P2RY8: variants seen among roughly 807,000 people sequenced by gnomAD.
The protein encoded by P2RY8 is S-geranylgeranyl-glutathione receptor P2RY8.
P2RY8 carries 6 observed loss-of-function variants against 10.0 expected under a neutral mutation model. That is an observed-to-expected ratio of 0.60 (90% confidence interval 0.33 to 1.19). The LOEUF is 1.19. Among genes scored for constraint, P2RY8 ranks in the 50% most tolerant of loss-of-function variants. The pLI is 0.04. For synonymous variants in P2RY8, 276 were observed against 252.5 expected (o/e 1.09, Z -0.88); for missense variants, 456 against 542.0 (o/e 0.84, Z 1.58).
At chrX:1,481,243 C>T (rs1483099471) in intron 1 of P2RY8, among the ~76,000 whole-genome samples, 1 of 152,070 alleles carries the variant, frequency 6.6e-6, no homozygotes, top group Non-Finnish European at 1.5e-5. Flanking sequence ...ACGTCGGCTC[C>T]CTGCAACCTC....
At chrX:1,489,038 A>T (rs1158768999) in intron 1 of P2RY8, among the ~76,000 whole-genome samples, 5 of 152,054 alleles carry the variant, frequency 3.3e-5, no homozygotes, top group Non-Finnish European at 7.4e-5. Flanking sequence ...GGAGGGAAAG[A>T]ATGAATGACA....
chrX:1,487,926 C>T (rs1212485702), intron 1 of P2RY8, among the ~76,000 whole-genome samples: 2 of 152,004 alleles, frequency 1.3e-5, no homozygotes, highest in Admixed American at 6.6e-5. Context: ...CTGGCTAACA[C>T]GGTGAAACCC....
At chrX:1,520,635 ATCTCTCTGATCCCAATAT>A (rs1483162660) in intron 1 of P2RY8, among the ~76,000 whole-genome samples, 1 of 150,088 alleles carries the variant, frequency 6.7e-6, no homozygotes, top group Non-Finnish European at 1.5e-5. Context: ...ATCCCCAATA[ATCTCTCTGATCCCAATAT>A]TCTCTCTGAT....
At chrX:1,494,494 A>T (rs2092097828) in intron 1 of P2RY8, 1 of 151,730 alleles carries the variant, frequency 6.6e-6, no homozygotes, top group South Asian at 2.1e-4. Flanking sequence ...GGGGGATTTT[A>T]TGTGTTTTTC....
At chrX:1,485,714 T>G (rs1195804991) in intron 1 of P2RY8, among the ~76,000 whole-genome samples, 1 of 148,282 alleles carries the variant, frequency 6.7e-6, no homozygotes, top group Admixed American at 6.8e-5. Context: ...CATGTTATAT[T>G]GTATGTATAT....
In P2RY8 at chrX:1,473,021, G is replaced by T. The variant is rs778099774; in HGVS notation, c.-24-6439C>A. On this transcript the variant is annotated intron_variant, in intron 1 of 1. Transcript: ENST00000381297. ...GGGTGGATGGGTGGATGAATGGTAG[G>T]TGGGTTTGTGAATGGGTGAGTGGGT... 2.9e-4 allele frequency among the ~76,000 whole-genome samples: 42 copies of T among 143,654 alleles called. 1 individual carries two copies. Among genetic ancestry groups the T allele is most frequent in the African/African-American group, 1.0e-3 (40 of 38,628 alleles). The allele number at this position is 143,654 out of a possible 152,430, so 94.2% of individuals were successfully genotyped here. A position where few individuals can be genotyped will look rare whatever the true frequency, so the allele number is the denominator to read the frequency against.
At chrX:1,531,016 C>A (rs1197116501) in intron 1 of P2RY8, among the ~76,000 whole-genome samples, 16 of 151,706 alleles carry the variant, frequency 1.1e-4, no homozygotes, top group Non-Finnish European at 2.1e-4. Context: ...ATGTATATAT[C>A]TATCTATTCT....
At chrX:1,474,331 G>A (rs1343200299) in intron 1 of P2RY8, among the ~76,000 whole-genome samples, 1 of 138,144 alleles carries the variant, frequency 7.2e-6, no homozygotes, top group Non-Finnish European at 1.6e-5. Context: ...AGATGAATAG[G>A]TGTATGGGTG....
intron 1 of P2RY8, among the ~76,000 whole-genome samples, chrX:1,504,862 G>C (rs2092215889): frequency 6.6e-6 from 1 of 152,166 alleles, no homozygotes; most frequent in Non-Finnish European, 1.5e-5. Context: ...GCCAGGCGTG[G>C]TGGCTCACGC....
At chrX:1,528,833 AGT>A (rs2092456102) in intron 1 of P2RY8, among the ~76,000 whole-genome samples, 1 of 151,794 alleles carries the variant, frequency 6.6e-6, no homozygotes, top group Non-Finnish European at 1.5e-5. Flanking sequence ...TCTTTGAATG[AGT>A]GTGGATTTGA....
chrX:1,502,295 G>A (rs2092188705), intron 1 of P2RY8, among the ~76,000 whole-genome samples: 2 of 152,184 alleles, frequency 1.3e-5, no homozygotes, highest in South Asian at 2.1e-4. Flanking sequence ...CAAGAACATG[G>A]ATTTGCTTAT....
chrX:1,482,745 A>G (rs1210360182), intron 1 of P2RY8, among the ~76,000 whole-genome samples: 1 of 152,160 alleles, frequency 6.6e-6, no homozygotes, highest in Admixed American at 6.6e-5. Context: ...CATATACACC[A>G]TGGAATACTA....
chrX:1,502,051 C>T lies in P2RY8; in HGVS notation c.-25+34870G>A, dbSNP rs146770253. The stretch of plus-strand genomic sequence containing the variant: ...TCGGCCTCTTGAATATCTGGAACTA[C>T]AGGCGTGTGCCACCACATCCAGCTC... On this transcript the variant is annotated intron_variant, in intron 1 of 1. Transcript: ENST00000381297. Among the ~76,000 whole-genome samples, 383 of 152,252 alleles carry T rather than the reference C, an allele frequency of 2.5e-3. 4 individuals carry two copies. The highest frequency in any genetic ancestry group is 8.8e-3 in the African/African-American group (366 of 41,534).
chrX:1,526,312 G>T (rs771512679), intron 1 of P2RY8, among the ~76,000 whole-genome samples: 6 of 138,604 alleles, frequency 4.3e-5, no homozygotes, highest in Non-Finnish European at 6.2e-5. Context: ...TTATCCAGCC[G>T]CTCATCCACC....
At chrX:1,494,147 T>TGTCTGAGCAGCC (rs2092094522) in intron 1 of P2RY8, 2 of 152,274 alleles carry the variant, frequency 1.3e-5, no homozygotes, top group Non-Finnish European at 2.9e-5. Flanking sequence ...TGGTGGTGCT[T>TGTCTGAGCAGCC]GTCTGAGCAG....
chrX:1,487,871 G>A (rs749928537), intron 1 of P2RY8, among the ~76,000 whole-genome samples: 55 of 152,296 alleles, frequency 3.6e-4, no homozygotes, highest in Non-Finnish European at 6.6e-4. Context: ...AGCACTTTGG[G>A]AGGCCGAGGC....
rs757040170 is a variant in P2RY8, at chrX:1,466,716, C to CTCCT, written c.-24-135_-24-134insAGGA. 209 of 702,392 alleles carry CTCCT rather than the reference C, an allele frequency of 3.0e-4. 1 individual carries two copies. Among genetic ancestry groups the CTCCT allele is most frequent in the East Asian group, 2.7e-3 (101 of 36,990 alleles). The allele number at this position is 702,392 out of a possible 1,614,324, so 43.5% of individuals were successfully genotyped here. On this transcript the variant is annotated intron_variant, in intron 1 of 1. Transcript: ENST00000381297. ...TTTAGCAGGGCCTGCTGTCTCCTCC[C>CTCCT]TCCCTCCCTCCCTTAGTTCCTCCTT...
intron 1 of P2RY8, among the ~76,000 whole-genome samples, chrX:1,498,447 G>A (rs1380001818): frequency 6.6e-6 from 1 of 150,660 alleles, no homozygotes; most frequent in Non-Finnish European, 1.5e-5. Context: ...AACTTGAAGA[G>A]GGCCAGCCCA....
intron 1 of P2RY8, among the ~76,000 whole-genome samples, chrX:1,519,857 C>A (rs1390357733): frequency 6.6e-6 from 1 of 151,036 alleles, no homozygotes; most frequent in African/African-American, 2.4e-5. Context: ...TGATCCCCAT[C>A]ATCTTCTTGA....
Sources: allele counts gnomAD v4.1 joint callset (sites outside exome capture counted in the v4.1 genomes callset), GRCh38; gene constraint gnomAD v4.1.1; transcripts MANE v1.5; gene names NCBI Gene and HGNC (gene_info 2026-07-23, HGNC 2026-07-21).